The following DMD variants were observed in gnomAD, a reference collection of about 807,000 sequenced individuals.
DMD encodes the protein mutant dystrophin.
In DMD, 63 loss-of-function variants were observed where a neutral mutation model predicts 330.1. That is an observed-to-expected ratio of 0.19 (90% confidence interval 0.16 to 0.24). DMD has a LOEUF of 0.24. Ranked by LOEUF, DMD falls within the 10% of genes least tolerant of loss-of-function variation. DMD has a pLI of 1.00. For missense variants in DMD, 3,344 were observed against 2,684.1 expected, an observed-to-expected ratio of 1.25 and a Z score of -5.43; for synonymous variants, 1,223 against 959.8, an observed-to-expected ratio of 1.27 and a Z score of -5.07.
At chrX:33,314,570 G>GTTTTTTTTTTTTTTTTTTTTT (rs1170142842) in intron 1 of DMD, among the ~76,000 whole-genome samples, 3 of 79,050 alleles carry the variant, frequency 3.8e-5, no homozygotes, top group Non-Finnish European at 6.9e-5. Context: ...TTTTTTTTTT[G>GTTTTTTTTTTTTTTTTTTTTT]TTTTTTTTTT....
intron 29 of DMD, among the ~76,000 whole-genome samples, chrX:32,434,141 G>A: frequency 8.9e-6 from 1 of 112,374 alleles, no homozygotes; most frequent in East Asian, 2.8e-4. Context: ...GATTTAACAG[G>A]CAATTGAATG....
rs771967122 is a variant in DMD at position 32,602,135 on chromosome X, G to A, written c.1483-6259C>T. Among the ~76,000 whole-genome samples the A allele has an allele frequency of 4.4e-4, 49 of 111,799 alleles. 1 individual carries two copies. The highest frequency in any genetic ancestry group is 7.7e-4 in the Non-Finnish European group (41 of 52,998). Reference sequence around the variant, plus strand: ...AGTGTTAAATCCTTAAATAATACCTGAACTTCCAATTTATTTACACTACAT... The same window carrying A: ...AGTGTTAAATCCTTAAATAATACCTAAACTTCCAATTTATTTACACTACAT... On this transcript the variant is annotated intron_variant, in intron 12 of 78. Transcript: ENST00000357033.
chrX:32,767,233 AC>A (rs1390251973), intron 7 of DMD, among the ~76,000 whole-genome samples: 2 of 111,779 alleles, frequency 1.8e-5, no homozygotes, highest in Non-Finnish European at 3.8e-5. Context: ...TTTAAAGGGA[AC>A]CCTGGTGTAA....
chrX:32,493,771 T>G (rs228313), intron 19 of DMD, among the ~76,000 whole-genome samples: 8,211 of 111,626 alleles, frequency 0.074, 332 homozygotes, highest in Non-Finnish European at 0.12. Context: ...ATTATGTTAA[T>G]AACAAAAAAT....
chrX:32,362,418 T>C (rs1360610979), intron 37 of DMD, among the ~76,000 whole-genome samples: 1 of 112,089 alleles, frequency 8.9e-6, no homozygotes, highest in Admixed American at 9.5e-5. Flanking sequence ...TTTATGTTGA[T>C]GGATGACTTG....
At chrX:32,690,053 T>C (rs746544444) in intron 9 of DMD, among the ~76,000 whole-genome samples, 139 of 106,608 alleles carry the variant, frequency 1.3e-3, no homozygotes, top group Non-Finnish European at 1.9e-3. Flanking sequence ...CTGGAAGTCC[T>C]TGCTAGAATA....
chrX:32,166,017 G>A (rs1261034462), intron 44 of DMD, among the ~76,000 whole-genome samples: 1 of 111,283 alleles, frequency 9.0e-6, no homozygotes, highest in Non-Finnish European at 1.9e-5. Flanking sequence ...TGAACTGTGA[G>A]TCAATTAAAC....
chrX:31,659,210 T>C (rs182038652), intron 53 of DMD, among the ~76,000 whole-genome samples: 1 of 111,920 alleles, frequency 8.9e-6, no homozygotes, highest in Admixed American at 9.5e-5. Flanking sequence ...AATTTGGCAA[T>C]AGATACCAAG....
intron 54 of DMD, among the ~76,000 whole-genome samples, chrX:31,651,387 T>C (rs2080442256): frequency 9.0e-6 from 1 of 111,198 alleles, no homozygotes. Flanking sequence ...ACTCAAAATG[T>C]GCAGAGAGAA....
At chrX:31,244,498 G>A (rs1193964261) in intron 63 of DMD, among the ~76,000 whole-genome samples, 1 of 111,699 alleles carries the variant, frequency 9.0e-6, no homozygotes, top group African/African-American at 3.3e-5. Context: ...TAAGCCTCCA[G>A]ATTCTTAAAG....
chrX:32,838,207 G>T (rs1338925860), intron 4 of DMD, among the ~76,000 whole-genome samples: 1 of 111,434 alleles, frequency 9.0e-6, no homozygotes, highest in East Asian at 2.8e-4. Context: ...GACACTCTAA[G>T]TTTGTTAGTA....
At chrX:33,235,917 T>TTA (rs1491307027) in intron 1 of DMD, among the ~76,000 whole-genome samples, 2 of 85,907 alleles carry the variant, frequency 2.3e-5, no homozygotes, top group African/African-American at 4.6e-5. Context: ...ATTATTATTA[T>TTA]TTTTTTTTTT....
chrX:32,751,496 C>A (rs1235083824), intron 7 of DMD, among the ~76,000 whole-genome samples: 1 of 111,493 alleles, frequency 9.0e-6, no homozygotes, highest in Non-Finnish European at 1.9e-5. Flanking sequence ...GCAAAGCATT[C>A]GTGAGGTGAC....
In DMD at chrX:32,178,705, G is replaced by A. The variant is rs73219237; in HGVS notation, c.6438+38211C>T. 7.3e-3 allele frequency among the ~76,000 whole-genome samples: 804 copies of A among 110,715 alleles called. 5 individuals are homozygous for A. The highest frequency in any genetic ancestry group is 0.024 in the Middle Eastern group (5 of 210). On this transcript the variant is annotated intron_variant, in intron 44 of 78. Coordinates refer to ENST00000357033, the MANE Select transcript of DMD (RefSeq NM_004006.3). The stretch of plus-strand genomic sequence containing the variant: ...TTAAAAAAAGATTCCATATATAAGT[G>A]AGATCATACAATATTTTTCTTTCTT...
At chrX:31,199,888 A>C (rs2043264372) in intron 67 of DMD, among the ~76,000 whole-genome samples, 1 of 112,169 alleles carries the variant, frequency 8.9e-6, no homozygotes, top group African/African-American at 3.2e-5. Flanking sequence ...CCTATACTTC[A>C]AACAAAGGGC....
chrX:32,721,066 T>TTGTGTGTGTGTGTG (rs113205688), intron 7 of DMD, among the ~76,000 whole-genome samples: 61 of 108,816 alleles, frequency 5.6e-4, no homozygotes, highest in African/African-American at 2.0e-3. Flanking sequence ...GGCTGAATAT[T>TTGTGTGTGTGTGTG]TGTGTGTGTG....
At chrX:33,141,691 A>C (rs1483874120) in intron 1 of DMD, among the ~76,000 whole-genome samples, 2 of 111,715 alleles carry the variant, frequency 1.8e-5, no homozygotes, top group Admixed American at 9.6e-5. Flanking sequence ...CATGGATTGC[A>C]TGACACTACT....
intron 44 of DMD, among the ~76,000 whole-genome samples, chrX:32,162,145 C>G (rs1569547855): frequency 9.0e-6 from 1 of 111,479 alleles, no homozygotes. Context: ...CAAACCTGTA[C>G]ATTCTGCACG....
rs377080659 is a variant in DMD, at chrX:31,968,482, A to T, written c.6471T>A (p.Thr2157=). The part of the protein sequence containing the change: ...ELQDGIGQRQ[T]VVRTLNATGE... ...CAGTTGCATTCAATGTTCTGACAAC[A>T]GTTTGCCGCTGCCCAATGCCATCCT... The change falls in exon 45 of 79, where the codon ACT becomes ACA. Residue 2157 remains threonine, a synonymous_variant. Coordinates refer to ENST00000357033, the MANE Select transcript of DMD (RefSeq NM_004006.3). 61 of 1,209,047 alleles carry T rather than the reference A, an allele frequency of 5.0e-5. No homozygotes were observed. The highest frequency in any genetic ancestry group is 4.7e-4 in the East Asian group (16 of 33,735).
Sources: allele counts gnomAD v4.1 joint callset (sites outside exome capture counted in the v4.1 genomes callset), GRCh38; gene constraint gnomAD v4.1.1; transcripts MANE v1.5; gene names NCBI Gene and HGNC (gene_info 2026-07-23, HGNC 2026-07-21).